Variants in DST observed in about 807,000 individuals in gnomAD.
The protein encoded by DST is bullous pemphigoid antigen.
DST carries 253 observed loss-of-function variants against 875.2 expected under a neutral mutation model. That is an observed-to-expected ratio of 0.29 (90% confidence interval 0.26 to 0.32). DST has a LOEUF of 0.32. Ranked by LOEUF, DST falls within the 10% of genes least tolerant of loss-of-function variation. DST has a pLI of 1.00. For missense variants in DST, 8,287 were observed against 9,111.6 expected (o/e 0.91, Z 3.68); for synonymous variants, 3,124 against 3,197.1 (o/e 0.98, Z 0.77).
rs1241112751 is a variant in DST, at chr6:56,572,794, C to T, written c.13507G>A (p.Val4503Ile). 1 of 1,608,556 alleles carries T rather than the reference C, an allele frequency of 6.2e-7. No individual in the cohort carries two copies. The highest frequency in any genetic ancestry group is 8.5e-7 in the Non-Finnish European group (1 of 1,177,986). ...LETKTQALTE[V>I]DVPGKDVTEL... ...GTAACATCTTTTCCTGGCACATCTA[C>T]TTCAGTAAGAGCCTGAGTTTTTGTT... The change falls in exon 52 of 104, where the codon GTA becomes ATA. Residue 4503 changes from valine to isoleucine, a missense_variant. This residue lies in a region of DST where 1,513 missense variants were observed against 1,677.8 expected (regional missense o/e 0.90). Transcript: ENST00000680361.
At chr6:56,555,926 G>A in intron 59 of DST, 86 bp from the exon 60 acceptor site, 3 of 1,292,328 alleles carry the variant, frequency 2.3e-6, no homozygotes, top group Non-Finnish European at 3.1e-6. Flanking sequence ...GACAGAAATG[G>A]TAATTATTTC....
rs151337490 is a variant in DST, at chr6:56,657,274, T to A, written c.1215-6030A>T. Among the ~76,000 whole-genome samples the A allele has an allele frequency of 3.3e-3, 507 of 152,248 alleles. 3 individuals carry two copies. The highest frequency in any genetic ancestry group is 0.012 in the African/African-American group (491 of 41,538). ...AGCAGGAGACAGTGAACCTTTTAAC[T>A]CTTTTTCAGTGTTTATTTTTATTAA... On this transcript the variant is annotated intron_variant, in intron 10 of 103. Transcript: ENST00000680361.
At chr6:56,663,629 C>T (rs1563541221) in intron 10 of DST, among the ~76,000 whole-genome samples, 2 of 152,178 alleles carry the variant, frequency 1.3e-5, no homozygotes, top group Non-Finnish European at 1.5e-5. Context: ...ACTGAATCAC[C>T]GGCCTCCAGG....
chr6:56,551,259 T>C (rs924067333), intron 61 of DST, among the ~76,000 whole-genome samples: 1 of 152,156 alleles, frequency 6.6e-6, no homozygotes, highest in Non-Finnish European at 1.5e-5. Flanking sequence ...TCAAAGAAAA[T>C]AATTTGTGGT....
At chr6:56,680,683 C>A (rs1039744118) in intron 9 of DST, among the ~76,000 whole-genome samples, 1 of 152,210 alleles carries the variant, frequency 6.6e-6, no homozygotes, top group Non-Finnish European at 1.5e-5. Context: ...GTTACCCAAC[C>A]TTTAACATTA....
Position 56,894,986 on chromosome 6 carries a change from C to T in DST, c.417+5435G>A, listed in dbSNP as rs1790392884. ...GGCGGCTGGCCAGGCGGGGGGCTGA[C>T]CCCCCTACCTCCCTCCCGGACTGGG... On this transcript the variant is annotated intron_variant, in intron 3 of 103. Transcript: ENST00000680361. Among the ~76,000 whole-genome samples the T allele has an allele frequency of 3.7e-5, 4 of 108,172 alleles. 1 individual carries two copies. Among genetic ancestry groups the T allele is most frequent in the Non-Finnish European group, 7.3e-5 (4 of 54,734 alleles). 71.0% of individuals were successfully genotyped at this position (108,172 alleles called of 152,430 possible). A position where few individuals can be genotyped will look rare whatever the true frequency, so the allele number is the denominator to read the frequency against.
At chr6:56,694,564 G>T (rs948681206) in intron 9 of DST, among the ~76,000 whole-genome samples, 5 of 151,988 alleles carry the variant, frequency 3.3e-5, no homozygotes, top group Non-Finnish European at 7.4e-5. Context: ...GGTAATGAGT[G>T]GTACATTATT....
chr6:56,877,604 A>C (rs1780132599), intron 3 of DST, among the ~76,000 whole-genome samples: 1 of 152,214 alleles, frequency 6.6e-6, no homozygotes. Context: ...TTTTTATGGG[A>C]TCTGTGGCAC....
intron 4 of DST, among the ~76,000 whole-genome samples, chr6:56,772,221 C>T (rs1409884036): frequency 2.0e-5 from 3 of 151,704 alleles, no homozygotes; most frequent in Non-Finnish European, 2.9e-5. Context: ...TTGGTAAAGC[C>T]GAATGTCAAA....
Position 56,458,323 on chromosome 6 carries a change from C to CAG in DST, c.*681_*682insCT, listed in dbSNP as rs2094166050. Reference sequence around the variant, plus strand: ...AATGAGTTCAATGATACAGGTGCTACTGTCCACTCAAGCAAAAGAAAACCT... The same window carrying CAG: ...AATGAGTTCAATGATACAGGTGCTACAGTGTCCACTCAAGCAAAAGAAAACCT... On this transcript the variant is annotated 3_prime_UTR_variant, in exon 104 of 104. Coordinates refer to ENST00000680361, the MANE Select transcript of DST (RefSeq NM_001374736.1). 1 of 152,572 alleles carries CAG rather than the reference C, an allele frequency of 6.6e-6. No individual in the cohort carries two copies. The highest frequency in any genetic ancestry group is 1.5e-5 in the Non-Finnish European group (1 of 68,040). 9.5% of individuals were successfully genotyped at this position (152,572 alleles called of 1,614,324 possible). A position where few individuals can be genotyped will look rare whatever the true frequency, so the allele number is the denominator to read the frequency against.
In DST at chr6:56,601,567, T is replaced by C; in HGVS notation, c.11417A>G (p.Lys3806Arg). The C allele has an allele frequency of 1.2e-6, 2 of 1,603,462 alleles. No individual in the cohort carries two copies. The highest frequency in any genetic ancestry group is 2.2e-5 in the South Asian group (2 of 89,290). The change falls in exon 44 of 104, where the codon AAA (lysine) becomes AGA (arginine). Residue 3806 changes from lysine to arginine, a missense_variant. By Grantham distance (26) the Lys-to-Arg change is conservative (BLOSUM62 2). This residue lies in a region of DST where 3,138 missense variants were observed against 3,116.6 expected (regional missense o/e 1.01). Coordinates refer to ENST00000680361, the MANE Select transcript of DST (RefSeq NM_001374736.1). ...YAQDLSPNQS[K>R]QLLRLLNTTQ... is the part of the protein sequence containing the mutation. ...TGTATTTAAGAGCCTCAGCAGTTGTTTGCTTTGGTTGGGAGACAGATCCTG... is the reference window on the plus strand; with the variant it reads ...TGTATTTAAGAGCCTCAGCAGTTGTCTGCTTTGGTTGGGAGACAGATCCTG...
chr6:56,686,336 T>C (rs2099187103), intron 9 of DST, among the ~76,000 whole-genome samples: 2 of 152,128 alleles, frequency 1.3e-5, no homozygotes, highest in South Asian at 2.1e-4. Context: ...GTTGAAAAAC[T>C]ACCTATCAAG....
Position 56,482,150 on chromosome 6 carries a change from G to T in DST, c.21431C>A (p.Ala7144Asp). ...CGCCTCAGCCAGCCACTCCAAGAGGGCATGTACCACCGAGTGGAATTCCTC... is the reference window on the plus strand; with the variant it reads ...CGCCTCAGCCAGCCACTCCAAGAGGTCATGTACCACCGAGTGGAATTCCTC... ...QAEEFHSVVH[A>D]LLEWLAEAEQ... is the part of the protein sequence containing the mutation. Residue 7144 changes from alanine to aspartate, a missense_variant, in exon 90 of 104, where the codon GCC (alanine) becomes GAC (aspartate). By Grantham distance (126) the Ala-to-Asp change is moderately radical. Coordinates refer to ENST00000680361, the MANE Select transcript of DST (RefSeq NM_001374736.1). The T allele has an allele frequency of 6.2e-7, 1 of 1,611,534 alleles. No homozygotes were observed. The highest frequency in any genetic ancestry group is 8.5e-7 in the Non-Finnish European group (1 of 1,178,434).
At position 56,624,583 on chromosome 6, in the gene DST, T is replaced by A. The variant is rs371681469; in HGVS notation, c.4876A>T (p.Thr1626Ser). Residue 1626 changes from threonine to serine, a missense_variant, in exon 36 of 104, where the codon ACA becomes TCA. Thr to Ser is a moderately conservative substitution (Grantham distance 58). Transcript: ENST00000680361. ...TCACCAGCAAATTTAATATATTGTG[T>A]CATGAGAGTGACCAGGGCAGTATAT... Reference protein sequence around the residue: ...TRYTALVTLMTQYIKFAGDSL... With the variant: ...TRYTALVTLMSQYIKFAGDSL... The A allele has an allele frequency of 8.1e-6, 13 of 1,613,432 alleles. No homozygotes were observed. The African/African-American group carries it at 1.7e-4, about 22-fold the overall frequency.
chr6:56,466,228 G>A (rs747156298), intron 98 of DST, 33 bp from the exon 99 acceptor site: 1 of 1,429,740 alleles, frequency 7.0e-7, no homozygotes, highest in Middle Eastern at 1.8e-4. Context: ...ACCTCTAGTT[G>A]TCAATAATAA....
At chr6:56,915,117 T>C (rs1015463848) in intron 2 of DST, among the ~76,000 whole-genome samples, 3 of 152,222 alleles carry the variant, frequency 2.0e-5, no homozygotes, top group African/African-American at 7.2e-5. Flanking sequence ...CAAGGGATTT[T>C]ATAGATGATT....
chr6:56,764,096 T>TGC (rs1491197989), intron 4 of DST, among the ~76,000 whole-genome samples: 1 of 43,538 alleles, frequency 2.3e-5, no homozygotes, highest in Non-Finnish European at 3.9e-5. Context: ...AAAGTGCACA[T>TGC]GCACACACAC....
chr6:56,630,117 A>G, intron 31 of DST, 128 bp downstream of exon 31: 1 of 738,982 alleles, frequency 1.4e-6, no homozygotes, highest in Non-Finnish European at 2.3e-6. Context: ...GTGAGATCAC[A>G]GAGACACAAA....
Position 56,553,523 on chromosome 6 carries a change from A to T in DST, c.15269T>A (p.Leu5090His). 2 of 1,613,928 alleles carry T rather than the reference A, an allele frequency of 1.2e-6. No individual in the cohort carries two copies. The change falls in exon 61 of 104, where the codon CTC becomes CAC. Residue 5090 changes from leucine (L) to histidine (H), a missense_variant. Coordinates refer to ENST00000680361, the MANE Select transcript of DST (RefSeq NM_001374736.1). ...QNKSHPISAK[L>H]DVLESLIKDH... The stretch of plus-strand genomic sequence containing the variant: ...TTTAATTAATGACTCCAAGACATCG[A>T]GTTTGGCAGATATTGGATGAGATTT...
Sources: gnomAD v4.1 joint callset for allele counts (sites outside exome capture counted in the v4.1 genomes callset) on GRCh38, gnomAD v4.1.1 for gene constraint, gnomAD v4.1.1 regional missense constraint, MANE v1.5 for transcripts, NCBI Gene and HGNC (gene_info 2026-07-23, HGNC 2026-07-21) for gene names.